The following EFNA5 variants were observed in gnomAD, a reference collection of about 807,000 sequenced individuals.
EFNA5 encodes the protein ephrin A5, also known as ephrin-A5.
In EFNA5, 5 loss-of-function variants were observed where a neutral mutation model predicts 22.9. The ratio of observed to expected loss-of-function variants is 0.22; its 90% CI spans 0.11 to 0.46. The LOEUF (loss-of-function observed/expected upper bound fraction) is 0.46. EFNA5 is among the 20% of genes least tolerant of loss of function. EFNA5 has a pLI of 0.99. For missense variants in EFNA5, 237 were observed against 293.3 expected, an observed-to-expected ratio of 0.81 and a Z score of 1.40; for synonymous variants, 113 against 112.2, an observed-to-expected ratio of 1.01 and a Z score of -0.04.
chr5:107,391,417 T>C (rs1396125517), intron 2 of EFNA5, among the ~76,000 whole-genome samples: 2 of 152,038 alleles, frequency 1.3e-5, no homozygotes, highest in Non-Finnish European at 1.5e-5. Flanking sequence ...TCACAGGTCC[T>C]CCAGAAGCTA....
At chr5:107,644,999 CCTGTT>C (rs1296819839) in intron 1 of EFNA5, among the ~76,000 whole-genome samples, 1 of 152,160 alleles carries the variant, frequency 6.6e-6, no homozygotes, top group Non-Finnish European at 1.5e-5. Flanking sequence ...CCACGCCTGG[CCTGTT>C]CTGTTTTTCA....
chr5:107,655,643 A>G (rs1387074419), intron 1 of EFNA5, among the ~76,000 whole-genome samples: 6 of 152,096 alleles, frequency 3.9e-5, no homozygotes, highest in Non-Finnish European at 7.4e-5. Context: ...AACATTACAA[A>G]ATGATTATGT....
chr5:107,582,153 TAG>T (rs1166839112), intron 1 of EFNA5, among the ~76,000 whole-genome samples: 1 of 152,216 alleles, frequency 6.6e-6, no homozygotes, highest in Non-Finnish European at 1.5e-5. Flanking sequence ...GTAACTCTAA[TAG>T]AGAGATAAAA....
At chr5:107,397,971 AC>A (rs1747974112) in intron 2 of EFNA5, among the ~76,000 whole-genome samples, 1 of 152,144 alleles carries the variant, frequency 6.6e-6, no homozygotes, top group Admixed American at 6.6e-5. Context: ...CATTCGTCAT[AC>A]CACAGAACAG....
At chr5:107,562,346 G>C (rs533111168) in intron 1 of EFNA5, among the ~76,000 whole-genome samples, 1 of 151,858 alleles carries the variant, frequency 6.6e-6, no homozygotes, top group Non-Finnish European at 1.5e-5. Context: ...CCCATCGTCT[G>C]TCTCTCTCTC....
chr5:107,474,957 T>A (rs1750242558), intron 1 of EFNA5, among the ~76,000 whole-genome samples: 1 of 152,240 alleles, frequency 6.6e-6, no homozygotes, highest in Non-Finnish European at 1.5e-5. Flanking sequence ...AAAGTTTCTG[T>A]CCCACTGTTA....
chr5:107,629,142 G>T (rs1312257326), intron 1 of EFNA5, among the ~76,000 whole-genome samples: 1 of 151,872 alleles, frequency 6.6e-6, no homozygotes, highest in Non-Finnish European at 1.5e-5. Context: ...TTACCTATTA[G>T]TTTAATAAAA....
intron 1 of EFNA5, among the ~76,000 whole-genome samples, chr5:107,628,048 T>C (rs181743092): frequency 6.6e-6 from 1 of 152,332 alleles, no homozygotes; most frequent in Admixed American, 6.5e-5. Context: ...CTGCATGCCA[T>C]GTACAGTACT....
chr5:107,482,238 AGAG>A (rs1325474044), intron 1 of EFNA5, among the ~76,000 whole-genome samples: 30 of 151,828 alleles, frequency 2.0e-4, no homozygotes, highest in Admixed American at 5.9e-4. Flanking sequence ...CCTGGGAGAC[AGAG>A]GTTGCAGTGA....
chr5:107,463,714 A>C lies in EFNA5; in HGVS notation c.126-36205T>G, dbSNP rs115339763. Among the ~76,000 whole-genome samples the C allele has an allele frequency of 6.9e-3, 1,050 of 152,322 alleles. 16 individuals carry two copies. The highest frequency in any genetic ancestry group is 0.024 in the African/African-American group (982 of 41,580). ...ATTAACTCAGGGATGCTATAGCTAT[A>C]AGAATTTTCTTATAATCACTTTAAA... On this transcript the variant is annotated intron_variant, in intron 1 of 4. Transcript: ENST00000333274.
At chr5:107,391,703 C>T (rs1747799460) in intron 2 of EFNA5, among the ~76,000 whole-genome samples, 1 of 152,160 alleles carries the variant, frequency 6.6e-6, no homozygotes, top group African/African-American at 2.4e-5. Flanking sequence ...GATATGGGGA[C>T]AATTAAAACA....
At chr5:107,521,498 A>G (rs1747597829) in intron 1 of EFNA5, among the ~76,000 whole-genome samples, 1 of 143,764 alleles carries the variant, frequency 7.0e-6, no homozygotes, top group Non-Finnish European at 1.5e-5. Context: ...TTTTGGAGAG[A>G]CAGGGTTTCC....
chr5:107,476,142 C>T (rs1455713821), intron 1 of EFNA5, among the ~76,000 whole-genome samples: 1 of 144,522 alleles, frequency 6.9e-6, no homozygotes, highest in East Asian at 2.0e-4. Flanking sequence ...ACCTCCGCCT[C>T]CCAAGTTCAA....
intron 1 of EFNA5, among the ~76,000 whole-genome samples, chr5:107,578,237 G>A (rs558779485): frequency 2.0e-5 from 3 of 152,270 alleles, no homozygotes; most frequent in Non-Finnish European, 4.4e-5. Context: ...TCTAAGCAAA[G>A]CACCACGTAA....
chr5:107,655,260 T>C (rs1362151911), intron 1 of EFNA5, among the ~76,000 whole-genome samples: 3 of 152,224 alleles, frequency 2.0e-5, no homozygotes, highest in Admixed American at 2.0e-4. Context: ...AGCTTCAAAC[T>C]TGAAATAAAC....
intron 1 of EFNA5, among the ~76,000 whole-genome samples, chr5:107,451,072 G>A (rs962653729): frequency 6.6e-6 from 1 of 152,202 alleles, no homozygotes; most frequent in African/African-American, 2.4e-5. Context: ...GATGGAAAAC[G>A]TTAAATATAG....
chr5:107,571,610 G>A (rs888338796), intron 1 of EFNA5, among the ~76,000 whole-genome samples: 4 of 151,254 alleles, frequency 2.6e-5, no homozygotes, highest in African/African-American at 9.7e-5. Flanking sequence ...ACTGTACTGA[G>A]CCACCCTGGG....
intron 1 of EFNA5, among the ~76,000 whole-genome samples, chr5:107,641,054 T>G (rs1750496739): frequency 6.7e-6 from 1 of 150,192 alleles, no homozygotes; most frequent in Non-Finnish European, 1.5e-5. Context: ...ATAGATAGAA[T>G]GTATGGATAT....
chr5:107,483,715 T>G (rs150728741), intron 1 of EFNA5, among the ~76,000 whole-genome samples: 78 of 152,310 alleles, frequency 5.1e-4, no homozygotes, highest in African/African-American at 1.8e-3. Flanking sequence ...TTAAGAGAAA[T>G]TGAACTTTTT....
Sources: allele counts gnomAD v4.1 joint callset (sites outside exome capture counted in the v4.1 genomes callset), GRCh38; gene constraint gnomAD v4.1.1; transcripts MANE v1.5; gene names NCBI Gene and HGNC (gene_info 2026-07-23, HGNC 2026-07-21).